The following HPSE2 variants were observed in gnomAD, a reference collection of about 807,000 sequenced individuals.
HPSE2 encodes heparanase 2 (inactive).
In HPSE2, 38 loss-of-function variants were observed where a neutral mutation model predicts 60.5. That is an observed-to-expected ratio of 0.63 (90% CI 0.48 to 0.82). The LOEUF (loss-of-function observed/expected upper bound fraction) is 0.82, where lower values mean the gene tolerates loss of function less well. Ranked by LOEUF, HPSE2 falls within the 40% of genes least tolerant of loss-of-function variation. The pLI is 0.00. For missense variants in HPSE2, 713 were observed against 740.4 expected (o/e 0.96, Z 0.43); for synonymous variants, 295 against 293.2 (o/e 1.01, Z -0.06).
chr10:98,791,345 G>C (rs571345572), intron 3 of HPSE2, among the ~76,000 whole-genome samples: 3 of 152,288 alleles, frequency 2.0e-5, no homozygotes, highest in Admixed American at 2.0e-4. Flanking sequence ...TGACTGATGA[G>C]TTTCAAGAAA....
chr10:99,168,087 T>TACACAC (rs56393224), intron 2 of HPSE2, among the ~76,000 whole-genome samples: 8,884 of 144,622 alleles, frequency 0.061, 322 homozygotes, highest in Middle Eastern at 0.14. Flanking sequence ...TCAGCCTATT[T>TACACAC]ACACACACAC....
chr10:98,750,760 C>A (rs1258481772), intron 3 of HPSE2, among the ~76,000 whole-genome samples: 2 of 151,976 alleles, frequency 1.3e-5, no homozygotes, highest in African/African-American at 4.8e-5. Context: ...GAGAAGAAGG[C>A]CAAGATGAGA....
chr10:98,717,956 T>A (rs940627751), intron 5 of HPSE2, among the ~76,000 whole-genome samples: 4 of 152,236 alleles, frequency 2.6e-5, no homozygotes, highest in Admixed American at 2.6e-4. Context: ...GATATATAAT[T>A]TTTTTAGATA....
At chr10:98,616,957 C>T (rs891151494) in intron 8 of HPSE2, among the ~76,000 whole-genome samples, 13 of 152,196 alleles carry the variant, frequency 8.5e-5, no homozygotes, top group African/African-American at 3.1e-4. Flanking sequence ...AGAACTATAA[C>T]ATGAATTGTG....
chr10:98,504,798 A>G (rs1482286776), intron 9 of HPSE2, among the ~76,000 whole-genome samples: 2 of 152,012 alleles, frequency 1.3e-5, no homozygotes, highest in South Asian at 2.1e-4. Flanking sequence ...TCAAAAAAAA[A>G]AAAAAAAAAG....
Position 99,126,783 on chromosome 10 carries a change from A to G in HPSE2, c.610+17455T>C, listed in dbSNP as rs1210228625. On this transcript the variant is annotated intron_variant, in intron 3 of 11. Transcript: ENST00000370552. This position sits in a 1 kb window ranked among gnomAD's most constrained non-coding sequence, Gnocchi z 4.0. ...CACCTCCACCACAGCAGACACTAGT[A>G]TCCATGGCTGAGACCTGAAGATGGA... 2.0e-5 allele frequency among the ~76,000 whole-genome samples: 3 copies of G among 152,226 alleles called. No individual in the cohort carries two copies. The highest frequency in any genetic ancestry group is 4.8e-5 in the African/African-American group (2 of 41,454).
At chr10:98,821,905 T>C (rs528040728) in intron 3 of HPSE2, among the ~76,000 whole-genome samples, 1 of 152,216 alleles carries the variant, frequency 6.6e-6, no homozygotes, top group East Asian at 1.9e-4. Flanking sequence ...CTGATATGGA[T>C]TGTTTTCCAA....
intron 3 of HPSE2, among the ~76,000 whole-genome samples, chr10:98,760,210 C>T (rs1404442250): frequency 6.6e-6 from 1 of 151,910 alleles, no homozygotes; most frequent in South Asian, 2.1e-4. Flanking sequence ...CTATATAAAA[C>T]GATGTCATCT....
the HPSE2 span, among the ~76,000 whole-genome samples, chr10:99,279,300 T>C: frequency 6.6e-6 from 1 of 152,122 alleles, no homozygotes; most frequent in African/African-American, 2.4e-5. Flanking sequence ...CCAAATTATA[T>C]ACAGAAAGGC....
At chr10:99,199,405 T>A (rs775144616) in intron 2 of HPSE2, among the ~76,000 whole-genome samples, 1 of 152,130 alleles carries the variant, frequency 6.6e-6, no homozygotes, top group East Asian at 1.9e-4. Flanking sequence ...TGCATTTCCC[T>A]GATGATTAGT....
At chr10:98,933,983 C>A (rs1358797218) in intron 3 of HPSE2, among the ~76,000 whole-genome samples, 1 of 143,644 alleles carries the variant, frequency 7.0e-6, no homozygotes, top group African/African-American at 2.8e-5. Context: ...CTGCCCACCT[C>A]GGCCTCCCAA....
intron 6 of HPSE2, among the ~76,000 whole-genome samples, chr10:98,650,546 AT>A (rs1946888206): frequency 6.6e-6 from 1 of 152,082 alleles, no homozygotes; most frequent in Admixed American, 6.5e-5. Context: ...TCTAGTTTGA[AT>A]TGATTGAGTG....
intron 3 of HPSE2, among the ~76,000 whole-genome samples, chr10:99,060,594 G>A (rs1024023922): frequency 6.9e-6 from 1 of 145,566 alleles, no homozygotes; most frequent in African/African-American, 2.6e-5. Context: ...GGAAGCAGAG[G>A]TTGAGGTAAG....
upstream of HPSE2, among the ~76,000 whole-genome samples, chr10:99,240,409 CTTTTTT>C (rs1300852308): frequency 8.5e-6 from 1 of 117,190 alleles, no homozygotes. Context: ...CAATGATTTT[CTTTTTT>C]TTTTTTTTTT....
chr10:98,602,649 AC>A (rs759738085), intron 9 of HPSE2, among the ~76,000 whole-genome samples: 5 of 152,090 alleles, frequency 3.3e-5, no homozygotes, highest in Non-Finnish European at 7.4e-5. Context: ...CCAGAAATAA[AC>A]CCTTACATAT....
At chr10:98,697,292 G>A (rs766176791) in intron 5 of HPSE2, among the ~76,000 whole-genome samples, 1 of 152,168 alleles carries the variant, frequency 6.6e-6, no homozygotes, top group Admixed American at 6.6e-5. Flanking sequence ...ACTACCATAA[G>A]CAGTTTCGAG....
At chr10:99,038,630 A>G (rs767808803) in intron 3 of HPSE2, among the ~76,000 whole-genome samples, 7 of 152,088 alleles carry the variant, frequency 4.6e-5, no homozygotes, top group Non-Finnish European at 8.8e-5. Context: ...ATATTAATAT[A>G]TATGAAAAAA....
intron 3 of HPSE2, among the ~76,000 whole-genome samples, chr10:99,122,927 A>G (rs528915624): frequency 5.8e-4 from 88 of 152,292 alleles, no homozygotes; most frequent in Non-Finnish European, 9.1e-4. Flanking sequence ...GAAATAAAGA[A>G]TAGGAAAATG....
chr10:99,258,611 T>G, the HPSE2 span, among the ~76,000 whole-genome samples: 1 of 152,236 alleles, frequency 6.6e-6, no homozygotes, highest in African/African-American at 2.4e-5. Context: ...GGGGCCAACG[T>G]TGCCTGATTT....
Sources: allele counts gnomAD v4.1 joint callset (sites outside exome capture counted in the v4.1 genomes callset), GRCh38; gene constraint gnomAD v4.1.1; non-coding constraint Gnocchi (gnomAD v3.1); transcripts MANE v1.5; gene names NCBI Gene and HGNC (gene_info 2026-07-23, HGNC 2026-07-21).